The following AGBL4 variants were observed in gnomAD, a reference collection of about 807,000 sequenced individuals.
AGBL4 encodes the protein AGBL carboxypeptidase 4.
A neutral mutation model predicts 66.4 loss-of-function variants in AGBL4; 58 were observed. The ratio of observed to expected loss-of-function variants is 0.87; its 90% CI spans 0.71 to 1.09. The LOEUF (loss-of-function observed/expected upper bound fraction) is 1.09, where lower values mean the gene tolerates loss of function less well. Among genes scored for constraint, AGBL4 ranks in the 50% least tolerant of loss-of-function variants. The pLI, the probability that AGBL4 is intolerant of heterozygous loss-of-function variation, is 0.00. For synonymous variants in AGBL4, 234 were observed against 222.9 expected, an observed-to-expected ratio of 1.05 and a Z score of -0.44; for missense variants, 579 against 631.0, an observed-to-expected ratio of 0.92 and a Z score of 0.88.
chr1:49,134,812 TTAAAG>T (rs1275180458), intron 4 of AGBL4, among the ~76,000 whole-genome samples: 2 of 152,034 alleles, frequency 1.3e-5, no homozygotes, highest in East Asian at 1.9e-4. Context: ...GATTAAGAGA[TTAAAG>T]TAAAGACAGT....
At chr1:48,762,656 G>A (rs3862264) in intron 6 of AGBL4, among the ~76,000 whole-genome samples, 43,818 of 138,482 alleles carry the variant, frequency 0.32, 6,989 homozygotes, top group East Asian at 0.42. Context: ...GTGTGTGTGT[G>A]TGTATGTATT....
chr1:49,709,027 A>G (rs1245909830), intron 2 of AGBL4, among the ~76,000 whole-genome samples: 1 of 152,194 alleles, frequency 6.6e-6, no homozygotes, highest in Non-Finnish European at 1.5e-5. Flanking sequence ...TGCAGGAGGC[A>G]CGGTGGTCAG....
chr1:49,717,829 A>G (rs1423405309), intron 2 of AGBL4, among the ~76,000 whole-genome samples: 4 of 152,082 alleles, frequency 2.6e-5, no homozygotes, highest in Non-Finnish European at 5.9e-5. Flanking sequence ...AAAGTTGTTA[A>G]GTAAAATAAG....
intron 3 of AGBL4, among the ~76,000 whole-genome samples, chr1:49,290,929 G>C (rs924424070): frequency 6.6e-6 from 1 of 152,206 alleles, no homozygotes; most frequent in African/African-American, 2.4e-5. Context: ...AGGATAACTT[G>C]AGCCCAGGAG....
intron 1 of AGBL4, among the ~76,000 whole-genome samples, chr1:49,976,594 C>G (rs1557633756): frequency 6.6e-6 from 1 of 152,122 alleles, no homozygotes; most frequent in Non-Finnish European, 1.5e-5. Context: ...AACACTTTCT[C>G]ATGTAATATC....
chr1:48,963,872 C>A (rs1658206263), intron 5 of AGBL4, among the ~76,000 whole-genome samples: 1 of 152,182 alleles, frequency 6.6e-6, no homozygotes, highest in African/African-American at 2.4e-5. Context: ...TCCTATATAT[C>A]ATTTCACTGG....
At chr1:49,185,573 A>C (rs1410979703) in intron 4 of AGBL4, among the ~76,000 whole-genome samples, 1 of 152,170 alleles carries the variant, frequency 6.6e-6, no homozygotes, top group Non-Finnish European at 1.5e-5. Flanking sequence ...ATACCAATCA[A>C]CACTTCAAAA....
chr1:49,144,401 G>A (rs1292986901), intron 4 of AGBL4, among the ~76,000 whole-genome samples: 3 of 150,334 alleles, frequency 2.0e-5, no homozygotes, highest in East Asian at 2.0e-4. Flanking sequence ...TTCCAGCACC[G>A]AACACAAAAT....
At chr1:48,599,625 C>A (rs1483827647) in intron 9 of AGBL4, among the ~76,000 whole-genome samples, 7 of 152,190 alleles carry the variant, frequency 4.6e-5, no homozygotes, top group Non-Finnish European at 1.0e-4. Flanking sequence ...TCCATAGAAC[C>A]TGCACATAGA....
intron 6 of AGBL4, among the ~76,000 whole-genome samples, chr1:48,675,226 T>C (rs1296054463): frequency 6.6e-6 from 1 of 152,066 alleles, no homozygotes; most frequent in East Asian, 1.9e-4. Flanking sequence ...GCCATCCTCA[T>C]CCCCAGCCTT....
At chr1:49,118,026 T>C (rs1291611821) in intron 4 of AGBL4, among the ~76,000 whole-genome samples, 2 of 152,012 alleles carry the variant, frequency 1.3e-5, no homozygotes, top group African/African-American at 4.8e-5. Context: ...CTGTCTGTTA[T>C]TGGTGTATAG....
At chr1:49,889,691 A>T (rs1400935379) in intron 1 of AGBL4, among the ~76,000 whole-genome samples, 1 of 151,956 alleles carries the variant, frequency 6.6e-6, no homozygotes, top group Non-Finnish European at 1.5e-5. Context: ...TGGGAGGTGG[A>T]GGTTGCAGGG....
intron 3 of AGBL4, among the ~76,000 whole-genome samples, chr1:49,561,209 A>G (rs958464469): frequency 6.6e-6 from 1 of 152,144 alleles, no homozygotes; most frequent in Admixed American, 6.5e-5. Context: ...AGAAGTGGGT[A>G]AACCAATTTA....
At chr1:49,956,880 G>T (rs1656652992) in intron 1 of AGBL4, among the ~76,000 whole-genome samples, 1 of 151,980 alleles carries the variant, frequency 6.6e-6, no homozygotes, top group Non-Finnish European at 1.5e-5. Context: ...AAGAGCAAAA[G>T]ATTCTTCTTA....
At chr1:49,293,707 TA>T (rs1468311730) in intron 3 of AGBL4, among the ~76,000 whole-genome samples, 1 of 152,114 alleles carries the variant, frequency 6.6e-6, no homozygotes, top group Non-Finnish European at 1.5e-5. Flanking sequence ...AGATCAACAC[TA>T]AAAACAGCAC....
intron 5 of AGBL4, among the ~76,000 whole-genome samples, chr1:49,015,868 T>G (rs563077396): frequency 6.6e-6 from 1 of 152,264 alleles, no homozygotes; most frequent in East Asian, 1.9e-4. Context: ...ATGGTCAATT[T>G]CAGCGGAAAA....
At chr1:49,999,255 C>A (rs1216169274) in intron 1 of AGBL4, among the ~76,000 whole-genome samples, 2 of 150,572 alleles carry the variant, frequency 1.3e-5, no homozygotes, top group Admixed American at 6.6e-5. Flanking sequence ...TTAATGTACA[C>A]AAACAGTAGC....
intron 2 of AGBL4, among the ~76,000 whole-genome samples, chr1:49,850,007 T>C (rs1407384527): frequency 6.6e-6 from 1 of 152,066 alleles, no homozygotes; most frequent in Non-Finnish European, 1.5e-5. Context: ...TTATAGAAAA[T>C]AAAAAGCCAT....
At chr1:48,851,473 A>G (rs767728024) in intron 6 of AGBL4, among the ~76,000 whole-genome samples, 1 of 152,156 alleles carries the variant, frequency 6.6e-6, no homozygotes, top group African/African-American at 2.4e-5. Flanking sequence ...GGCCTCTAAG[A>G]CAGTATCATC....
Sources: allele counts gnomAD v4.1 joint callset (sites outside exome capture counted in the v4.1 genomes callset), GRCh38; gene constraint gnomAD v4.1.1; transcripts MANE v1.5; gene names NCBI Gene and HGNC (gene_info 2026-07-23, HGNC 2026-07-21).